Variants in MAGI2 observed in about 807,000 individuals in gnomAD.
MAGI2 encodes membrane associated guanylate kinase, WW and PDZ domain containing 2, also known as membrane-associated guanylate kinase, WW and PDZ domain-containing protein 2.
A neutral mutation model predicts 133.3 loss-of-function variants in MAGI2; 35 were observed. The ratio of observed to expected loss-of-function variants is 0.26; its 90% CI spans 0.20 to 0.35. The LOEUF is 0.35. MAGI2 is among the 10% of genes least tolerant of loss of function. The pLI is 1.00. For missense variants in MAGI2, 1,636 were observed against 1,863.4 expected, an observed-to-expected ratio of 0.88 and a Z score of 2.25; for synonymous variants, 729 against 710.6, an observed-to-expected ratio of 1.03 and a Z score of -0.41.
At chr7:78,200,510 G>A (rs191915751) in intron 11 of MAGI2, among the ~76,000 whole-genome samples, 3 of 152,234 alleles carry the variant, frequency 2.0e-5, no homozygotes, top group African/African-American at 7.2e-5. Context: ...CATTTTGAGT[G>A]CTTGTCAGGT....
chr7:78,172,412 G>A (rs760784764), intron 14 of MAGI2, among the ~76,000 whole-genome samples: 26 of 152,240 alleles, frequency 1.7e-4, no homozygotes, highest in Non-Finnish European at 3.4e-4. Flanking sequence ...GTCATCGTCT[G>A]TCTTTGAATG....
intron 2 of MAGI2, among the ~76,000 whole-genome samples, chr7:78,748,158 T>TAA (rs11301409): frequency 4.2e-4 from 63 of 149,374 alleles, no homozygotes; most frequent in Middle Eastern, 3.4e-3. Flanking sequence ...CTTGAGGATT[T>TAA]AAAAAAAAAA....
At chr7:78,759,894 C>T (rs774915789) in intron 2 of MAGI2, among the ~76,000 whole-genome samples, 3 of 151,716 alleles carry the variant, frequency 2.0e-5, no homozygotes, top group Non-Finnish European at 4.4e-5. Flanking sequence ...TTTGGGAGGC[C>T]AAGTGGGCGG....
intron 2 of MAGI2, among the ~76,000 whole-genome samples, chr7:78,651,811 A>G (rs972884682): frequency 2.6e-5 from 4 of 152,096 alleles, no homozygotes; most frequent in Non-Finnish European, 5.9e-5. Context: ...GGTAATTTTG[A>G]TGTGGAACAT....
intron 2 of MAGI2, among the ~76,000 whole-genome samples, chr7:78,698,831 A>T (rs138697608): frequency 6.6e-6 from 1 of 152,074 alleles, no homozygotes; most frequent in African/African-American, 2.4e-5. Context: ...AGAACTCACT[A>T]TCAGAAGAAC....
intron 1 of MAGI2, among the ~76,000 whole-genome samples, chr7:79,136,289 T>C (rs1228269178): frequency 1.3e-5 from 2 of 152,214 alleles, no homozygotes; most frequent in Non-Finnish European, 1.5e-5. Context: ...TCTACTTACC[T>C]AGGGCCAAGA....
rs1432863351 is a variant in MAGI2, at chr7:79,423,115, TA to T, written c.301+29904del. Among the ~76,000 whole-genome samples the T allele has an allele frequency of 2.6e-5, 4 of 152,092 alleles. No homozygotes were observed. The East Asian group carries it at 7.7e-4, about 29-fold the overall frequency. The stretch of plus-strand genomic sequence containing the variant: ...TAATAACCATAATGTCTTCTAACAT[TA>T]TAGCACTCTCCTAGAACCAACATAA... On this transcript the variant is annotated intron_variant, in intron 1 of 21. Transcript: ENST00000354212.
At chr7:78,925,685 A>C (rs1799639350) in intron 2 of MAGI2, among the ~76,000 whole-genome samples, 1 of 152,110 alleles carries the variant, frequency 6.6e-6, no homozygotes. Flanking sequence ...CTATTAATTT[A>C]GACATTAAAG....
At chr7:78,653,097 G>T (rs1811755010) in intron 2 of MAGI2, among the ~76,000 whole-genome samples, 1 of 152,108 alleles carries the variant, frequency 6.6e-6, no homozygotes, top group Non-Finnish European at 1.5e-5. Flanking sequence ...ACCATCTCAT[G>T]CCCGTTAGAA....
At chr7:78,632,759 G>A (rs191671554) in intron 2 of MAGI2, among the ~76,000 whole-genome samples, 78 of 152,244 alleles carry the variant, frequency 5.1e-4, no homozygotes, top group African/African-American at 1.8e-3. Context: ...AAAATGACGA[G>A]GTTGTGGGAA....
chr7:78,292,608 A>C (rs933516890), intron 9 of MAGI2, among the ~76,000 whole-genome samples: 3 of 152,250 alleles, frequency 2.0e-5, no homozygotes, highest in Non-Finnish European at 4.4e-5. Context: ...GGAACCAAAA[A>C]AGAGCCCACA....
intron 6 of MAGI2, among the ~76,000 whole-genome samples, chr7:78,428,633 G>A (rs897045645): frequency 6.6e-6 from 1 of 152,224 alleles, no homozygotes; most frequent in East Asian, 1.9e-4. Context: ...CCCATTTAAG[G>A]CTGGTGCCTT....
chr7:78,373,420 T>C (rs550839588), intron 6 of MAGI2, among the ~76,000 whole-genome samples: 2 of 152,304 alleles, frequency 1.3e-5, no homozygotes, highest in Non-Finnish European at 2.9e-5. Context: ...AATGTACTTA[T>C]GAAAGATGTA....
chr7:78,905,260 A>G (rs1249113616), intron 2 of MAGI2, among the ~76,000 whole-genome samples: 2 of 152,166 alleles, frequency 1.3e-5, no homozygotes, highest in Non-Finnish European at 2.9e-5. Flanking sequence ...ATTTTCAGTA[A>G]TGACACCGTG....
At chr7:79,040,863 A>G (rs1337325580) in intron 1 of MAGI2, among the ~76,000 whole-genome samples, 2 of 152,214 alleles carry the variant, frequency 1.3e-5, no homozygotes, top group Non-Finnish European at 2.9e-5. Flanking sequence ...TCTTTCCTTT[A>G]TAAATTACCC....
chr7:78,334,876 T>C (rs1467137327), intron 9 of MAGI2, among the ~76,000 whole-genome samples: 1 of 152,124 alleles, frequency 6.6e-6, no homozygotes, highest in Non-Finnish European at 1.5e-5. Context: ...AAGAGAATGC[T>C]AGAATATGGA....
chr7:78,477,536 C>T (rs1170154417), intron 6 of MAGI2, among the ~76,000 whole-genome samples: 1 of 151,822 alleles, frequency 6.6e-6, no homozygotes, highest in Admixed American at 6.6e-5. Flanking sequence ...ACAATCATGG[C>T]AGAAGATGAA....
intron 21 of MAGI2, among the ~76,000 whole-genome samples, chr7:78,031,384 G>A (rs1176175601): frequency 6.6e-6 from 1 of 152,166 alleles, no homozygotes; most frequent in Admixed American, 6.5e-5. Context: ...AAATGGAAAA[G>A]CTTAATAGTG....
chr7:79,330,178 A>ATTTT (rs1451035999), intron 1 of MAGI2, among the ~76,000 whole-genome samples: 1 of 104,424 alleles, frequency 9.6e-6, no homozygotes, highest in African/African-American at 3.8e-5. Flanking sequence ...AACAATCTGC[A>ATTTT]TCTTTTTTTT....
Sources: gnomAD v4.1 joint callset for allele counts (sites outside exome capture counted in the v4.1 genomes callset) on GRCh38, gnomAD v4.1.1 for gene constraint, MANE v1.5 for transcripts, NCBI Gene and HGNC (gene_info 2026-07-23, HGNC 2026-07-21) for gene names.